GPR158: variants seen among roughly 807,000 people sequenced by gnomAD.
The protein encoded by GPR158 is metabotropic glycine receptor.
In GPR158, 30 loss-of-function variants were observed where a neutral mutation model predicts 78.2. The observed-to-expected ratio is 0.38, with a 90% CI of 0.29 to 0.52. The LOEUF (loss-of-function observed/expected upper bound fraction) is 0.52. Among genes scored for constraint, GPR158 ranks in the 20% least tolerant of loss-of-function variants. The pLI is 0.83. For synonymous variants in GPR158, 581 were observed against 591.1 expected (o/e 0.98, Z 0.25); for missense variants, 1,463 against 1,523.5 (o/e 0.96, Z 0.66).
intron 5 of GPR158, among the ~76,000 whole-genome samples, chr10:25,550,488 G>C (rs536076967): frequency 7.9e-5 from 12 of 152,164 alleles, no homozygotes; most frequent in African/African-American, 2.2e-4. Context: ...AATCGGCTCT[G>C]GGGGGAGAAT....
At chr10:25,514,079 A>G (rs115611848) in intron 5 of GPR158, among the ~76,000 whole-genome samples, 26 of 151,962 alleles carry the variant, frequency 1.7e-4, no homozygotes, top group African/African-American at 6.3e-4. Context: ...TTTGTTGACT[A>G]TCTCGATGAT....
chr10:25,461,455 G>A (rs1409495668), intron 4 of GPR158, among the ~76,000 whole-genome samples: 1 of 152,152 alleles, frequency 6.6e-6, no homozygotes, highest in Non-Finnish European at 1.5e-5. Flanking sequence ...CCAAAGCAAG[G>A]GCCTAACTCT....
intron 2 of GPR158, among the ~76,000 whole-genome samples, chr10:25,306,812 T>C (rs1414265364): frequency 1.3e-5 from 2 of 152,208 alleles, no homozygotes; most frequent in Non-Finnish European, 2.9e-5. Flanking sequence ...TATTTATTTC[T>C]GTAGATCTTC....
At chr10:25,433,002 G>A (rs964679903) in intron 4 of GPR158, among the ~76,000 whole-genome samples, 12 of 152,144 alleles carry the variant, frequency 7.9e-5, no homozygotes, top group Non-Finnish European at 1.6e-4. Context: ...ACAGTATCAC[G>A]TATAGTGAAT....
intron 5 of GPR158, among the ~76,000 whole-genome samples, chr10:25,494,314 A>G (rs1272149680): frequency 6.6e-6 from 1 of 152,212 alleles, no homozygotes; most frequent in Admixed American, 6.5e-5. Context: ...GTTCACTAGT[A>G]TCTTAATGGA....
intron 2 of GPR158, among the ~76,000 whole-genome samples, chr10:25,233,267 T>C (rs758556398): frequency 2.6e-5 from 4 of 152,234 alleles, no homozygotes; most frequent in Non-Finnish European, 5.9e-5. Flanking sequence ...TATCTTACCA[T>C]AATTATCTGT....
Position 25,259,251 on chromosome 10 carries a change from G to A in GPR158, c.1008+38094G>A, listed in dbSNP as rs563433833. Among the ~76,000 whole-genome samples, 33 of 152,274 alleles carry A rather than the reference G, an allele frequency of 2.2e-4. No homozygotes were observed. The East Asian group carries it at 4.6e-3, about 21-fold the overall frequency. ...CCAAGGACAAACTATAAATGAATGG[G>A]CATTGCTAGTTCCAACAAGACTTTA... On this transcript the variant is annotated intron_variant, in intron 2 of 10. Transcript: ENST00000376351.
chr10:25,324,831 C>CTTTCTTTCTTTCTTTCT (rs746272253), intron 2 of GPR158, among the ~76,000 whole-genome samples: 50 of 125,376 alleles, frequency 4.0e-4, no homozygotes, highest in African/African-American at 1.5e-3. Context: ...TTTTTTCTTT[C>CTTTCTTTCTTTCTTTCT]TTTTTTTTTT....
chr10:25,274,004 T>C (rs868270640), intron 2 of GPR158, among the ~76,000 whole-genome samples: 8 of 152,146 alleles, frequency 5.3e-5, no homozygotes, highest in African/African-American at 1.4e-4. Context: ...TTGCGAGACA[T>C]GGTTTTTCTC....
At chr10:25,521,131 G>A (rs60135976) in intron 5 of GPR158, among the ~76,000 whole-genome samples, 3,820 of 152,326 alleles carry the variant, frequency 0.025, 182 homozygotes, top group African/African-American at 0.086. Context: ...CGATTTTCCA[G>A]GTGCATCCGT....
chr10:25,241,171 TTC>T lies in GPR158; in HGVS notation c.1008+20016_1008+20017del, dbSNP rs1491210541. On this transcript the variant is annotated intron_variant, in intron 2 of 10. Coordinates refer to ENST00000376351, the MANE Select transcript of GPR158 (RefSeq NM_020752.3). The stretch of plus-strand genomic sequence containing the variant: ...TTTCTTTCTTTCTTTCTTTCTTTCT[TTC>T]TTTCTTTCTTTCTTTCCTTTCTTTC... Among the ~76,000 whole-genome samples, 3 of 125,674 alleles carry T rather than the reference TTC, an allele frequency of 2.4e-5. 1 individual carries two copies. The highest frequency in any genetic ancestry group is 3.9e-5 in the African/African-American group (1 of 25,804). The allele number at this position is 125,674 out of a possible 152,430, so 82.4% of individuals were successfully genotyped here. A position where few individuals can be genotyped will look rare whatever the true frequency, so the allele number is the denominator to read the frequency against.
intron 6 of GPR158, among the ~76,000 whole-genome samples, chr10:25,558,502 G>A (rs1191407702): frequency 1.3e-5 from 2 of 152,186 alleles, no homozygotes; most frequent in African/African-American, 4.8e-5. Context: ...GCTCCTGCAA[G>A]CTGTTCACTG....
chr10:25,378,991 G>C (rs555511530), intron 2 of GPR158, among the ~76,000 whole-genome samples: 1 of 151,912 alleles, frequency 6.6e-6, no homozygotes, highest in African/African-American at 2.4e-5. Context: ...GGGTCTCACC[G>C]TGTTGCCCAG....
chr10:25,299,757 G>A (rs1043800808), intron 2 of GPR158, among the ~76,000 whole-genome samples: 1 of 152,024 alleles, frequency 6.6e-6, no homozygotes, highest in African/African-American at 2.4e-5. Context: ...TCACTTTTTA[G>A]CACAAATTTT....
intron 2 of GPR158, among the ~76,000 whole-genome samples, chr10:25,307,317 A>G (rs2130456935): frequency 6.6e-6 from 1 of 151,138 alleles, no homozygotes; most frequent in South Asian, 2.1e-4. Flanking sequence ...ACACAGATAT[A>G]CACACACTCC....
intron 7 of GPR158, among the ~76,000 whole-genome samples, chr10:25,585,162 G>C (rs955326554): frequency 1.3e-5 from 2 of 152,156 alleles, no homozygotes; most frequent in Non-Finnish European, 2.9e-5. Flanking sequence ...CAAGCAAATA[G>C]AAACTAAAGG....
chr10:25,205,928 A>G (rs1853021405), intron 1 of GPR158, among the ~76,000 whole-genome samples: 1 of 150,792 alleles, frequency 6.6e-6, no homozygotes, highest in Non-Finnish European at 1.5e-5. Context: ...GGAGAGTTCT[A>G]TAGATATTTG....
chr10:25,354,169 CA>C (rs1412229403), intron 2 of GPR158, among the ~76,000 whole-genome samples: 7 of 152,054 alleles, frequency 4.6e-5, no homozygotes, highest in African/African-American at 1.7e-4. Context: ...GCCTGACCAA[CA>C]TGGTGAAACA....
intron 2 of GPR158, among the ~76,000 whole-genome samples, chr10:25,364,884 A>G (rs1326779992): frequency 1.3e-5 from 2 of 151,952 alleles, no homozygotes; most frequent in African/African-American, 4.8e-5. Flanking sequence ...AAAGCATACT[A>G]AATTTCGATT....
Sources: allele counts gnomAD v4.1 joint callset (sites outside exome capture counted in the v4.1 genomes callset), GRCh38; gene constraint gnomAD v4.1.1; transcripts MANE v1.5; gene names NCBI Gene and HGNC (gene_info 2026-07-23, HGNC 2026-07-21).